Variants in UGGT2 observed in about 807,000 individuals in gnomAD.
UGGT2 encodes the protein UDP-glucose glycoprotein glucosyltransferase 2.
In UGGT2, 180 loss-of-function variants were observed where a neutral mutation model predicts 192.1. The observed-to-expected ratio is 0.94, with a 90% CI of 0.83 to 1.06. The LOEUF (loss-of-function observed/expected upper bound fraction) is 1.06, where lower values mean the gene tolerates loss of function less well. Among genes scored for constraint, UGGT2 ranks in the 50% least tolerant of loss-of-function variants. UGGT2 has a pLI of 0.00. For synonymous variants in UGGT2, 580 were observed against 591.0 expected (o/e 0.98, Z 0.27); for missense variants, 1,849 against 1,795.7 (o/e 1.03, Z -0.54).
intron 13 of UGGT2, among the ~76,000 whole-genome samples, chr13:95,948,307 T>A (rs2049948327): frequency 6.6e-6 from 1 of 151,800 alleles, no homozygotes; most frequent in Admixed American, 6.6e-5. Context: ...CATCCAAACA[T>A]AATTATACAT....
intron 36 of UGGT2, among the ~76,000 whole-genome samples, chr13:95,850,206 CCTTT>C (rs1888897038): frequency 6.6e-6 from 1 of 152,086 alleles, no homozygotes; most frequent in Admixed American, 6.6e-5. Context: ...CCATAGGCTA[CCTTT>C]CTTTCTGTAC....
chr13:96,011,829 GA>G (rs1443404763), intron 5 of UGGT2, among the ~76,000 whole-genome samples: 2 of 152,052 alleles, frequency 1.3e-5, no homozygotes, highest in African/African-American at 2.4e-5. Context: ...ACTAGATTGT[GA>G]AATAAAAATA....
intron 27 of UGGT2, among the ~76,000 whole-genome samples, chr13:95,879,412 T>C (rs1012836686): frequency 6.6e-6 from 1 of 152,234 alleles, no homozygotes; most frequent in African/African-American, 2.4e-5. Context: ...AATTAGTTCC[T>C]ATTTTCAAAG....
intron 31 of UGGT2, among the ~76,000 whole-genome samples, chr13:95,861,462 T>C (rs540643466): frequency 1.3e-5 from 2 of 152,228 alleles, no homozygotes; most frequent in African/African-American, 4.8e-5. Context: ...GGGAACCATG[T>C]CTACTTACTG....
At chr13:95,956,909 C>G (rs931159791) in intron 12 of UGGT2, among the ~76,000 whole-genome samples, 1 of 152,096 alleles carries the variant, frequency 6.6e-6, no homozygotes, top group Non-Finnish European at 1.5e-5. Flanking sequence ...TTCACAATAG[C>G]CAAAAGTTAG....
At chr13:95,877,385 T>A (rs781433051) in intron 28 of UGGT2, 21 bp from the exon 29 acceptor site, 24 of 1,576,190 alleles carry the variant, frequency 1.5e-5, no homozygotes, top group Non-Finnish European at 2.1e-5. Context: ...GAGAAAAAAA[T>A]AATCATTGAG....
intron 20 of UGGT2, among the ~76,000 whole-genome samples, chr13:95,912,268 G>A (rs1405047381): frequency 4.6e-5 from 7 of 152,088 alleles, no homozygotes; most frequent in South Asian, 2.1e-4. Context: ...AATAAAGGGT[G>A]TTCAATTAGA....
chr13:96,009,168 T>C (rs1235344592), intron 5 of UGGT2, among the ~76,000 whole-genome samples: 1 of 152,176 alleles, frequency 6.6e-6, no homozygotes, highest in Non-Finnish European at 1.5e-5. Context: ...GACTCCTTCA[T>C]TATGCCATAT....
chr13:95,869,041 T>C (rs1290498750), intron 29 of UGGT2, among the ~76,000 whole-genome samples: 50 of 112,668 alleles, frequency 4.4e-4, no homozygotes, highest in South Asian at 1.3e-3. Flanking sequence ...CCCCCTCCCC[T>C]CACCCCACAA....
chr13:95,811,444 G>C (rs1221674390), intron 38 of UGGT2, among the ~76,000 whole-genome samples: 2 of 152,152 alleles, frequency 1.3e-5, no homozygotes, highest in Non-Finnish European at 2.9e-5. Context: ...TTATAGATCA[G>C]TTGTTCAGGG....
intron 12 of UGGT2, among the ~76,000 whole-genome samples, chr13:95,968,128 C>T (rs911707831): frequency 3.3e-5 from 5 of 151,960 alleles, no homozygotes; most frequent in African/African-American, 4.8e-5. Context: ...AATTGTAATG[C>T]TTCCAGAGTT....
intron 17 of UGGT2, 82 bp from the exon 18 acceptor site, chr13:95,927,418 A>C: frequency 1.8e-6 from 2 of 1,117,380 alleles, no homozygotes; most frequent in Non-Finnish European, 2.5e-6. Flanking sequence ...CACAAAGATT[A>C]CTTAATCAAA....
chr13:95,915,065 T>A (rs1043570141), intron 20 of UGGT2, among the ~76,000 whole-genome samples: 1 of 152,232 alleles, frequency 6.6e-6, no homozygotes. Flanking sequence ...TCTCATCTCT[T>A]CTCCTTGCTG....
intron 13 of UGGT2, 77 bp downstream of exon 13, chr13:95,949,258 A>G: frequency 7.8e-7 from 1 of 1,289,760 alleles, no homozygotes; most frequent in African/African-American, 1.5e-5. Context: ...ATGCCTATTC[A>G]TTGACAGAAG....
intron 25 of UGGT2, among the ~76,000 whole-genome samples, chr13:95,888,653 T>C (rs904917569): frequency 3.9e-5 from 6 of 152,202 alleles, no homozygotes; most frequent in Non-Finnish European, 8.8e-5. Context: ...TCATATCTGC[T>C]ACTCTGGAGG....
At chr13:96,014,746 T>G (rs987863852) in intron 4 of UGGT2, among the ~76,000 whole-genome samples, 2 of 152,272 alleles carry the variant, frequency 1.3e-5, no homozygotes, top group East Asian at 3.9e-4. Context: ...AAATCATACT[T>G]CACTTTGAAA....
At position 95,928,653 on chromosome 13, in the gene UGGT2, C is replaced by T. The variant is rs570973778; in HGVS notation, c.1978-1317G>A. Among the ~76,000 whole-genome samples, 26 of 151,960 alleles carry T rather than the reference C, an allele frequency of 1.7e-4. No individual in the cohort carries two copies. In the East Asian group the frequency reaches 2.7e-3, roughly 16 times the overall value. On this transcript the variant is annotated intron_variant, in intron 17 of 38. Coordinates refer to ENST00000376747, the MANE Select transcript of UGGT2 (RefSeq NM_020121.4). ...CAGAAGGTGGGTAGCCGGGCAGAGACGCTCCTCACTTCCTAGACGGGATGA... is the reference window on the plus strand; with the variant it reads ...CAGAAGGTGGGTAGCCGGGCAGAGATGCTCCTCACTTCCTAGACGGGATGA...
intron 29 of UGGT2, among the ~76,000 whole-genome samples, chr13:95,871,454 T>C (rs1891215691): frequency 6.6e-6 from 1 of 152,192 alleles, no homozygotes; most frequent in Non-Finnish European, 1.5e-5. Context: ...GGGAAGAGTA[T>C]TGCCTTCTCA....
chr13:95,947,073 T>C lies in UGGT2; in HGVS notation c.1641A>G (p.Glu547=). The change falls in exon 15 of 39, where the codon GAA becomes GAG. Residue 547 remains glutamate, a synonymous_variant. Transcript: ENST00000376747. ...AAATAAATGCTTCTGATATATCAAATTCTTCTGCAATATAGTTGAAAGCTC... is the reference window on the plus strand; with the variant it reads ...AAATAAATGCTTCTGATATATCAAACTCTTCTGCAATATAGTTGAAAGCTC... ...LWRAFNYIAE[E]FDISEAFISI... The C allele has an allele frequency of 1.2e-6, 2 of 1,607,924 alleles. No individual in the cohort carries two copies. Among genetic ancestry groups the C allele is most frequent in the Non-Finnish European group, 1.7e-6 (2 of 1,178,406 alleles).
Sources: gnomAD v4.1 joint callset for allele counts (sites outside exome capture counted in the v4.1 genomes callset) on GRCh38, gnomAD v4.1.1 for gene constraint, MANE v1.5 for transcripts, NCBI Gene and HGNC (gene_info 2026-07-23, HGNC 2026-07-21) for gene names.